SLC4A8: variants seen among roughly 807,000 people sequenced by gnomAD.
SLC4A8 encodes solute carrier family 4 member 8, also known as electroneutral sodium bicarbonate exchanger 1.
SLC4A8 carries 40 observed loss-of-function variants against 125.0 expected under a neutral mutation model. The ratio of observed to expected loss-of-function variants is 0.32; its 90% confidence interval spans 0.25 to 0.42. The LOEUF (loss-of-function observed/expected upper bound fraction) is 0.42, where lower values mean the gene tolerates loss of function less well. SLC4A8 is among the 10% of genes least tolerant of loss of function. The pLI is 1.00. For missense variants in SLC4A8, 863 were observed against 1,355.1 expected, an observed-to-expected ratio of 0.64 and a Z score of 5.70; for synonymous variants, 456 against 476.0, an observed-to-expected ratio of 0.96 and a Z score of 0.55.
intron 1 of SLC4A8, among the ~76,000 whole-genome samples, chr12:51,433,064 CTGT>C (rs1265683810): frequency 6.6e-6 from 1 of 152,154 alleles, no homozygotes; most frequent in Non-Finnish European, 1.5e-5. Flanking sequence ...TCCCTGTTCC[CTGT>C]AGCCTCTGTG....
At chr12:51,409,810 G>A (rs985147828) in intron 1 of SLC4A8, among the ~76,000 whole-genome samples, 5 of 152,200 alleles carry the variant, frequency 3.3e-5, no homozygotes, top group African/African-American at 1.2e-4. Context: ...TACTCATGAG[G>A]CGAGGTGTGG....
At chr12:51,478,369 G>A (rs749826334) in intron 16 of SLC4A8, among the ~76,000 whole-genome samples, 40 of 152,144 alleles carry the variant, frequency 2.6e-4, no homozygotes, top group Middle Eastern at 6.8e-3. Flanking sequence ...AACTCGGGAG[G>A]TGGAGGTTAC....
chr12:51,433,973 C>T (rs1949313634), intron 1 of SLC4A8, among the ~76,000 whole-genome samples: 1 of 150,864 alleles, frequency 6.6e-6, no homozygotes, highest in African/African-American at 2.4e-5. Context: ...CTCCTGGGCT[C>T]GAGCAATTCT....
chr12:51,475,299 C>T, intron 16 of SLC4A8, 93 bp downstream of exon 16: 1 of 1,281,092 alleles, frequency 7.8e-7, no homozygotes, highest in Non-Finnish European at 1.1e-6. Context: ...GTTGATTGGC[C>T]AGGTGGAGAA....
At chr12:51,497,377 G>T in intron 22 of SLC4A8, 1 of 412,496 alleles carries the variant, frequency 2.4e-6, no homozygotes, top group Non-Finnish European at 4.4e-6. Flanking sequence ...CCTACAATGT[G>T]AACATACAGT....
chr12:51,467,784 TTA>T (rs2138281058), intron 11 of SLC4A8, among the ~76,000 whole-genome samples: 1 of 152,378 alleles, frequency 6.6e-6, no homozygotes, highest in East Asian at 1.9e-4. Flanking sequence ...AATTTTATTT[TTA>T]TGTTTTCTAG....
chr12:51,494,938 C>CT lies in SLC4A8; in HGVS notation c.2770-4dup, dbSNP rs778804139. 27 of 1,611,618 alleles carry CT rather than the reference C, an allele frequency of 1.7e-5. No individual in the cohort carries two copies. Among genetic ancestry groups the CT allele is most frequent in the Non-Finnish European group, 1.7e-6 (2 of 1,178,186 alleles). Reference sequence around the variant, plus strand: ...CCTGAAAATAAATGCCAGTTCCTTCCTTTCAGTTCTTTGATCGTCTAAAGC... The same window carrying CT: ...CCTGAAAATAAATGCCAGTTCCTTCCTTTTCAGTTCTTTGATCGTCTAAAGC... On this transcript the variant is annotated splice_region_variant and splice_polypyrimidine_tract_variant and intron_variant, in intron 20 of 24. Transcript: ENST00000453097.
At chr12:51,483,059 AC>A (rs1951069900) in intron 16 of SLC4A8, among the ~76,000 whole-genome samples, 1 of 151,886 alleles carries the variant, frequency 6.6e-6, no homozygotes. Flanking sequence ...GGTTCCCCCC[AC>A]CCCAGGTATT....
At chr12:51,424,074 A>C (rs1421378358), upstream of SLC4A8, among the ~76,000 whole-genome samples, 206 of 130,880 alleles carry the variant, frequency 1.6e-3, 2 homozygotes, top group Non-Finnish European at 2.7e-3. Flanking sequence ...AACAAAAAAA[A>C]AACAAAAAAA....
In SLC4A8 at chr12:51,514,366, G is replaced by A. The variant is rs1479549121; in HGVS notation, c.*6928G>A. 1 of 152,670 alleles carries A rather than the reference G, an allele frequency of 6.6e-6. No homozygotes were observed. The highest frequency in any genetic ancestry group is 2.4e-5 in the African/African-American group (1 of 41,454). 9.5% of individuals were successfully genotyped at this position (152,670 alleles called of 1,614,324 possible). ...GAGCAGACCCGAAATGGCCAAATGA[G>A]ACATCATCCAAGTTCCTCCCTCCTT... is the stretch of plus-strand genomic sequence containing the variant. On this transcript the variant is annotated 3_prime_UTR_variant, in exon 25 of 25. Coordinates refer to ENST00000453097, the MANE Select transcript of SLC4A8 (RefSeq NM_001039960.3).
In SLC4A8 at chr12:51,465,589, A is replaced by G. The variant is rs542372844; in HGVS notation, c.1349+1875A>G. On this transcript the variant is annotated intron_variant, in intron 11 of 24. Transcript: ENST00000453097. ...AAATGGAGTTTGAAGGAGTTCTCCC[A>G]TAATGTCATGTCAGGAACTTCTGGA... Among the ~76,000 whole-genome samples the G allele has an allele frequency of 1.3e-4, 20 of 152,336 alleles. No homozygotes were observed. The East Asian group carries it at 3.3e-3, about 25-fold the overall frequency.
At chr12:51,405,493 G>T (rs1948467725) in intron 1 of SLC4A8, among the ~76,000 whole-genome samples, 1 of 152,154 alleles carries the variant, frequency 6.6e-6, no homozygotes. Context: ...CCCAGTGGGG[G>T]TCTCCACCAT....
intron 1 of SLC4A8, 67 bp from the exon 2 acceptor site, chr12:51,440,641 T>C: frequency 1.2e-5 from 15 of 1,224,658 alleles, no homozygotes; most frequent in Non-Finnish European, 1.8e-5. Flanking sequence ...GGATCTGGCA[T>C]ACACAAGGTT....
At chr12:51,494,848 C>T (rs1951420892) in intron 20 of SLC4A8, 97 bp from the exon 21 acceptor site, 1 of 895,998 alleles carries the variant, frequency 1.1e-6, no homozygotes, top group Non-Finnish European at 1.7e-6. Context: ...TGTTACCTAC[C>T]TTTCAGAGCA....
intron 17 of SLC4A8, among the ~76,000 whole-genome samples, chr12:51,488,352 AG>A (rs1263955339): frequency 6.6e-6 from 1 of 152,196 alleles, no homozygotes; most frequent in Non-Finnish European, 1.5e-5. Context: ...TATTGGTAGA[AG>A]GAAAGGGGAG....
At chr12:51,478,848 C>T (rs1950935807) in intron 16 of SLC4A8, among the ~76,000 whole-genome samples, 3 of 152,190 alleles carry the variant, frequency 2.0e-5, no homozygotes, top group African/African-American at 7.2e-5. Context: ...AGCTTAATAC[C>T]ATGTGAGCCA....
upstream of SLC4A8, among the ~76,000 whole-genome samples, chr12:51,422,421 G>A (rs1012306617): frequency 1.3e-5 from 2 of 152,058 alleles, no homozygotes; most frequent in African/African-American, 4.8e-5. Flanking sequence ...CTCGGCTGGA[G>A]TGGAGTGGTA....
rs573799114 is a variant in SLC4A8, at chr12:51,460,899, C to A, written c.1014-305C>A. 7.9e-5 allele frequency among the ~76,000 whole-genome samples: 12 copies of A among 152,328 alleles called. No individual in the cohort carries two copies. In the East Asian group the frequency reaches 2.3e-3, roughly 29 times the overall value. On this transcript the variant is annotated intron_variant, in intron 8 of 24. Coordinates refer to ENST00000453097, the MANE Select transcript of SLC4A8 (RefSeq NM_001039960.3). ...TGGAATTCAGACAACCTTGAATTTG[C>A]ACCACAGTGCCATGTTTTGAAAAAG...
chr12:51,460,664 G>T (rs1273349622), intron 8 of SLC4A8, among the ~76,000 whole-genome samples: 1 of 152,156 alleles, frequency 6.6e-6, no homozygotes, highest in African/African-American at 2.4e-5. Context: ...CACAATTCTG[G>T]CATGGTTTGT....
Sources: gnomAD v4.1 joint callset for allele counts (sites outside exome capture counted in the v4.1 genomes callset) on GRCh38, gnomAD v4.1.1 for gene constraint, MANE v1.5 for transcripts, NCBI Gene and HGNC (gene_info 2026-07-23, HGNC 2026-07-21) for gene names.